Variants in EXT2 observed in about 807,000 individuals in gnomAD.
EXT2 encodes exostosin glycosyltransferase 2.
In EXT2, 53 loss-of-function variants were observed where a neutral mutation model predicts 81.6. The ratio of observed to expected loss-of-function variants is 0.65; its 90% CI spans 0.52 to 0.82. EXT2 has a LOEUF of 0.82. Ranked by LOEUF, EXT2 falls within the 40% of genes least tolerant of loss-of-function variation. The probability of loss-of-function intolerance (pLI) is 0.00; values close to 1 mark genes in which losing one functional copy is unlikely to be tolerated. For synonymous variants in EXT2, 320 were observed against 340.0 expected (o/e 0.94, Z 0.65); for missense variants, 774 against 910.2 (o/e 0.85, Z 1.93).
chr11:44,240,727 A>G (rs1379520707), intron 13 of EXT2, among the ~76,000 whole-genome samples: 1 of 152,362 alleles, frequency 6.6e-6, no homozygotes, highest in African/African-American at 2.4e-5. Context: ...GCAACTGGGA[A>G]CAAAACTATT....
Position 44,107,762 on chromosome 11 carries a change from G to A in EXT2, c.50G>A (p.Arg17Lys), listed in dbSNP as rs1240693088. 1.2e-6 allele frequency: 2 copies of A among 1,614,176 alleles called. No individual in the cohort carries two copies. The highest frequency in any genetic ancestry group is 1.7e-6 in the Non-Finnish European group (2 of 1,180,038). ...ATCCGGGGTCCTGCCCTCATCCCAA[G>A]AATGAAGACCAAGCACCGAATCTAC... is the stretch of plus-strand genomic sequence containing the variant. The part of the protein sequence containing the change: ...YNIRGPALIP[R>K]MKTKHRIYYI... The change falls in exon 2 of 14, where the codon AGA (arginine) becomes AAA (lysine). Residue 17 changes from arginine to lysine, a missense_variant. Transcript: ENST00000533608.
In EXT2 at chr11:44,208,765, G is replaced by C. The variant is rs180798508; in HGVS notation, c.1662+1806G>C. On this transcript the variant is annotated intron_variant, in intron 10 of 13. Coordinates refer to ENST00000533608, the MANE Select transcript of EXT2 (RefSeq NM_207122.2). ...CTTATTCTGTGCTGAGACTAAGTAA[G>C]GTTAGATAACTTGCTTATAGTCACA... Among the ~76,000 whole-genome samples the C allele has an allele frequency of 3.0e-3, 458 of 152,322 alleles. 1 individual carries two copies. The highest frequency in any genetic ancestry group is 4.8e-3 in the Non-Finnish European group (324 of 68,016).
At chr11:44,148,713 A>G (rs926304889) in intron 7 of EXT2, among the ~76,000 whole-genome samples, 1 of 152,222 alleles carries the variant, frequency 6.6e-6, no homozygotes, top group Non-Finnish European at 1.5e-5. Context: ...TTGTTCGGGT[A>G]TAGTTCTGAG....
chr11:44,216,967 A>C (rs527547403), intron 10 of EXT2, among the ~76,000 whole-genome samples: 1 of 148,778 alleles, frequency 6.7e-6, no homozygotes, highest in South Asian at 2.3e-4. Flanking sequence ...CCAATACACT[A>C]TACTGGGATA....
intron 7 of EXT2, among the ~76,000 whole-genome samples, chr11:44,140,493 C>T (rs896208790): frequency 6.6e-6 from 1 of 152,160 alleles, no homozygotes; most frequent in African/African-American, 2.4e-5. Context: ...ACTTTTCTTT[C>T]TTTCTTTGCT....
At chr11:44,120,758 A>G (rs374231054) in intron 4 of EXT2, among the ~76,000 whole-genome samples, 2 of 152,194 alleles carry the variant, frequency 1.3e-5, no homozygotes, top group Non-Finnish European at 2.9e-5. Context: ...GATTGTTGCT[A>G]TTGATAGCTG....
At chr11:44,213,799 C>CTGAAGAAATATT (rs1955681488) in intron 10 of EXT2, among the ~76,000 whole-genome samples, 1 of 152,116 alleles carries the variant, frequency 6.6e-6, no homozygotes, top group South Asian at 2.1e-4. Context: ...GAATGTGGGA[C>CTGAAGAAATATT]TGAAGAAATA....
intron 10 of EXT2, among the ~76,000 whole-genome samples, chr11:44,225,702 A>C (rs1474961818): frequency 6.6e-6 from 1 of 152,218 alleles, no homozygotes. Context: ...AAGTCAGATG[A>C]CTTCATGAAT....
chr11:44,128,467 A>G (rs186912585), intron 6 of EXT2, among the ~76,000 whole-genome samples: 4 of 152,338 alleles, frequency 2.6e-5, no homozygotes. Context: ...ATAGGGAGAC[A>G]AATACAATCA....
At chr11:44,149,972 T>C (rs1322514185) in intron 7 of EXT2, among the ~76,000 whole-genome samples, 1 of 152,234 alleles carries the variant, frequency 6.6e-6, no homozygotes, top group African/African-American at 2.4e-5. Flanking sequence ...TATATTCAAC[T>C]TTTTATATGT....
intron 7 of EXT2, among the ~76,000 whole-genome samples, chr11:44,169,901 A>C (rs950711193): frequency 2.0e-5 from 3 of 152,140 alleles, no homozygotes; most frequent in African/African-American, 7.2e-5. Context: ...ACAAATTTGA[A>C]ATGTATATTT....
chr11:44,151,542 T>C (rs1954792313), intron 7 of EXT2, among the ~76,000 whole-genome samples: 1 of 152,230 alleles, frequency 6.6e-6, no homozygotes, highest in Non-Finnish European at 1.5e-5. Flanking sequence ...CCATGTGTCT[T>C]CATGGCTTGG....
At position 44,247,402 on chromosome 11, in the gene EXT2, A is replaced by C. The variant is rs187259149; in HGVS notation, c.*3115A>C. ...GTAGCTGGGATTACAGGCGCTTGCC[A>C]CCACGCCTGGCTAATTTGTTTGTAA... On this transcript the variant is annotated 3_prime_UTR_variant, in exon 14 of 14. Coordinates refer to ENST00000533608, the MANE Select transcript of EXT2 (RefSeq NM_207122.2). Among the ~76,000 whole-genome samples, 21 of 150,156 alleles carry C rather than the reference A, an allele frequency of 1.4e-4. No individual in the cohort carries two copies. Among genetic ancestry groups the C allele is most frequent in the African/African-American group, 4.9e-4 (20 of 40,734 alleles).
intron 10 of EXT2, among the ~76,000 whole-genome samples, chr11:44,215,710 ATAGT>A (rs1198513496): frequency 2.0e-5 from 3 of 152,008 alleles, no homozygotes; most frequent in Non-Finnish European, 4.4e-5. Context: ...CATTTCTGTA[ATAGT>A]TAAATTCATT....
intron 1 of EXT2, among the ~76,000 whole-genome samples, chr11:44,099,397 G>A (rs1050215469): frequency 2.0e-5 from 3 of 152,188 alleles, no homozygotes; most frequent in African/African-American, 7.2e-5. Flanking sequence ...GTGTTAGCCA[G>A]GATGGTCTCG....
At chr11:44,134,744 A>C (rs1954541394) in intron 7 of EXT2, among the ~76,000 whole-genome samples, 1 of 152,238 alleles carries the variant, frequency 6.6e-6, no homozygotes, top group Non-Finnish European at 1.5e-5. Context: ...TCTGTTGAGT[A>C]GAATTTCCAA....
At chr11:44,132,267 G>A (rs992744747) in intron 7 of EXT2, among the ~76,000 whole-genome samples, 2 of 152,228 alleles carry the variant, frequency 1.3e-5, no homozygotes, top group Non-Finnish European at 2.9e-5. Flanking sequence ...GCTCACAGAG[G>A]ACTGTTGCCC....
chr11:44,169,847 G>A (rs1327413747), intron 7 of EXT2, among the ~76,000 whole-genome samples: 2 of 151,902 alleles, frequency 1.3e-5, no homozygotes, highest in Non-Finnish European at 2.9e-5. Context: ...GATTTAGGAT[G>A]CTCAACCTGT....
intron 8 of EXT2, among the ~76,000 whole-genome samples, chr11:44,193,267 T>C (rs1464649466): frequency 1.3e-5 from 2 of 152,244 alleles, no homozygotes. Context: ...ATTCTTGTGC[T>C]GCAAGAGATC....
Sources: allele counts gnomAD v4.1 joint callset (sites outside exome capture counted in the v4.1 genomes callset), GRCh38; gene constraint gnomAD v4.1.1; transcripts MANE v1.5; gene names NCBI Gene and HGNC (gene_info 2026-07-23, HGNC 2026-07-21).